ADAMTS13: variants seen among roughly 807,000 people sequenced by gnomAD.
ADAMTS13 encodes A disintegrin and metalloproteinase with thrombospondin motifs 13.
ADAMTS13 carries 110 observed loss-of-function variants against 155.1 expected under a neutral mutation model. That is an observed-to-expected ratio of 0.71 (90% CI 0.61 to 0.83). ADAMTS13 has a LOEUF of 0.83. Ranked by LOEUF, ADAMTS13 falls within the 40% of genes least tolerant of loss-of-function variation. The pLI, the probability that ADAMTS13 is intolerant of heterozygous loss-of-function variation, is 0.00. For synonymous variants in ADAMTS13, 758 were observed against 756.4 expected (o/e 1.00, Z -0.03); for missense variants, 1,707 against 1,891.7 (o/e 0.90, Z 1.81).
chr9:133,454,710 C>T (rs1842638205), intron 24 of ADAMTS13, 91 bp downstream of exon 24: 10 of 1,427,398 alleles, frequency 7.0e-6, no homozygotes, highest in Non-Finnish European at 9.5e-6. Context: ...GAGGCATTGG[C>T]TCATCGTGTC....
At position 133,442,468 on chromosome 9, in the gene ADAMTS13, C is replaced by T; in HGVS notation, c.2038C>T (p.Pro680Ser). ...AGACATCACCTTCACCTACTTCCAG[C>T]CTAAGCCACGGCAGGCCTGGGTGTG... ...RPDITFTYFQPKPRQAWVWAA... is the reference protein window; with the variant it reads ...RPDITFTYFQSKPRQAWVWAA... The change falls in exon 17 of 29, where the codon CCT becomes TCT. Residue 680 changes from proline to serine, a missense_variant. Physicochemically the swap from Pro to Ser is moderately conservative, Grantham distance 74. This residue lies in a region of ADAMTS13 where 961 missense variants were observed against 1,107.9 expected (regional missense o/e 0.87). Transcript: ENST00000355699. 1 of 1,613,862 alleles carries T rather than the reference C, an allele frequency of 6.2e-7. No individual in the cohort carries two copies. The highest frequency in any genetic ancestry group is 8.5e-7 in the Non-Finnish European group (1 of 1,180,050).
chr9:133,432,849 C>T (rs1335921660), intron 9 of ADAMTS13, among the ~76,000 whole-genome samples, 157 bp downstream of exon 9: 1 of 152,166 alleles, frequency 6.6e-6, no homozygotes, highest in African/African-American at 2.4e-5. Context: ...GGTGGTCTGA[C>T]CTCTTTCCTT....
chr9:133,455,699 C>T, intron 25 of ADAMTS13: 2 of 1,507,288 alleles, frequency 1.3e-6, no homozygotes, highest in Non-Finnish European at 1.8e-6. Flanking sequence ...CACTTGGTCC[C>T]TGGGTTGTGT....
intron 7 of ADAMTS13, 109 bp downstream of exon 7, chr9:133,428,880 T>G: frequency 9.1e-7 from 1 of 1,093,604 alleles, no homozygotes; most frequent in Non-Finnish European, 1.1e-6. Flanking sequence ...CCCTCCTTCC[T>G]GTCCCACCCC....
rs781919209 is a variant in ADAMTS13 at position 133,430,061 on chromosome 9, GC to G, written c.951del (p.Lys318ArgfsTer60). ...AACGAGCAGTGCCGCGTGGCCTTCGGCCCCAAGGCTGTCGCCTGCACCTTCG... is the reference window on the plus strand; with the variant it reads ...AACGAGCAGTGCCGCGTGGCCTTCGGCCCAAGGCTGTCGCCTGCACCTTCG... ...SANEQCRVAF[G>X]PKAVACTFAR... On this transcript the variant is annotated frameshift_variant, in exon 8 of 29. Transcript: ENST00000355699. LOFTEE classifies it high-confidence loss of function. The G allele has an allele frequency of 6.3e-7, 1 of 1,595,370 alleles. No individual in the cohort carries two copies. The highest frequency in any genetic ancestry group is 1.1e-5 in the South Asian group (1 of 89,750).
At chr9:133,416,991 G>T (rs1272733294) in intron 1 of ADAMTS13, among the ~76,000 whole-genome samples, 1 of 152,168 alleles carries the variant, frequency 6.6e-6, no homozygotes, top group Non-Finnish European at 1.5e-5. Context: ...TCCCTGTCTT[G>T]CTACACAGAC....
At chr9:133,426,111 C>G in intron 5 of ADAMTS13, 49 bp downstream of exon 5, 1 of 1,613,916 alleles carries the variant, frequency 6.2e-7, no homozygotes, top group Non-Finnish European at 8.5e-7. Flanking sequence ...GGGAAGGCTG[C>G]TCCCTCAGCC....
chr9:133,442,480 C>T lies in ADAMTS13; in HGVS notation c.2050C>T (p.Gln684Ter), dbSNP rs370121816. The T allele has an allele frequency of 1.9e-6, 3 of 1,613,786 alleles. No homozygotes were observed. In the Admixed American group the frequency reaches 5.0e-5, roughly 27 times the overall value. Residue 684 changes from glutamine to a stop codon, truncating the protein, a stop_gained, in exon 17 of 29, where the codon CAG (glutamine) becomes TAG (stop). Coordinates refer to ENST00000355699, the MANE Select transcript of ADAMTS13 (RefSeq NM_139027.6). LOFTEE classifies it high-confidence loss of function. Reference sequence around the variant, plus strand: ...CACCTACTTCCAGCCTAAGCCACGGCAGGCCTGGGTGTGGGCCGCTGTGCG... The same window carrying T: ...CACCTACTTCCAGCCTAAGCCACGGTAGGCCTGGGTGTGGGCCGCTGTGCG... ...TFTYFQPKPR[Q>*]AWVWAAVRGP...
intron 28 of ADAMTS13, 113 bp from the exon 29 acceptor site, chr9:133,458,861 C>T (rs1238254082): frequency 7.1e-6 from 7 of 989,966 alleles, no homozygotes; most frequent in Admixed American, 4.0e-5. Flanking sequence ...CCTAGTAGGG[C>T]TTTGTAAGCA....
intron 12 of ADAMTS13, among the ~76,000 whole-genome samples, chr9:133,437,488 C>T (rs151126001): frequency 4.6e-5 from 7 of 152,290 alleles, no homozygotes; most frequent in South Asian, 4.2e-4. Flanking sequence ...AAACTCCTGA[C>T]GTCAGGTGAT....
chr9:133,448,595 G>C lies in ADAMTS13; in HGVS notation c.2732-4G>C. 6.2e-7 allele frequency: 1 copy of C among 1,609,466 alleles called. No homozygotes were observed. Among genetic ancestry groups the C allele is most frequent in the East Asian group, 2.2e-5 (1 of 44,860 alleles). ...GGCTCTGGGTCTCTGCTTTGTCCAC[G>C]CAGGTCTGATGGAGCTGCGTTTCCT... On this transcript the variant is annotated splice_region_variant and splice_polypyrimidine_tract_variant and intron_variant, in intron 21 of 28. Coordinates refer to ENST00000355699, the MANE Select transcript of ADAMTS13 (RefSeq NM_139027.6).
At position 133,440,895 on chromosome 9, in the gene ADAMTS13, T is replaced by C. The variant is rs587640643; in HGVS notation, c.1968+370T>C. Among the ~76,000 whole-genome samples the C allele has an allele frequency of 6.6e-6, 1 of 152,110 alleles. No homozygotes were observed. The highest frequency in any genetic ancestry group is 2.4e-5 in the African/African-American group (1 of 41,480). ...CCAAGCAGGGAAGGAAGCGTATGGC[T>C]GAGGGAACAGTGTCAGTGTGGGAGG... is the stretch of plus-strand genomic sequence containing the variant. On this transcript the variant is annotated intron_variant, in intron 16 of 28. Transcript: ENST00000355699. This position sits in a 1 kb window ranked among gnomAD's most constrained non-coding sequence, Gnocchi z 4.3.
chr9:133,439,288 C>A, intron 14 of ADAMTS13, 78 bp from the exon 15 acceptor site: 1 of 1,157,666 alleles, frequency 8.6e-7, no homozygotes, highest in South Asian at 1.2e-5. Flanking sequence ...TTTTCCCGAC[C>A]AGCTAAGATC....
chr9:133,435,254 T>G (rs1377806202), intron 11 of ADAMTS13, among the ~76,000 whole-genome samples: 1 of 150,586 alleles, frequency 6.6e-6, no homozygotes, highest in Non-Finnish European at 1.5e-5. Context: ...TGGTGCAATC[T>G]CAGCTCCCTG....
In ADAMTS13 at chr9:133,438,380, C is replaced by G. The variant is rs191816433; in HGVS notation, c.1705+14C>G. 9 of 1,613,334 alleles carry G rather than the reference C, an allele frequency of 5.6e-6. No homozygotes were observed. The highest frequency in any genetic ancestry group is 7.6e-6 in the Non-Finnish European group (9 of 1,179,922). On this transcript the variant is annotated intron_variant, in intron 14 of 28. Transcript: ENST00000355699. ...GCAGAGCGAGAGGTAGGCGGCCTCC[C>G]TCGGGGCAGAGGCTGGGCTTCCCCC...
rs1554793802 is a variant in ADAMTS13, at chr9:133,449,795, G to A, written c.2874G>A (p.Lys958=). The change falls in exon 23 of 29, where the codon AAG becomes AAA. Residue 958 remains lysine (K), a synonymous_variant. Transcript: ENST00000355699. The part of the protein sequence containing the change: ...AVPCPARWQY[K]LAACSVSCGR... The stretch of plus-strand genomic sequence containing the variant: ...CAGTTTGCTCCAGGTGGCAGTACAA[G>A]CTGGCGGCCTGCAGCGTGAGCTGTG... The A allele has an allele frequency of 6.2e-7, 1 of 1,613,978 alleles. No individual in the cohort carries two copies.
In ADAMTS13 at chr9:133,454,434, G is replaced by A; in HGVS notation, c.3064G>A (p.Gly1022Ser). 6.2e-7 allele frequency: 1 copy of A among 1,613,862 alleles called. No individual in the cohort carries two copies. The highest frequency in any genetic ancestry group is 1.1e-5 in the South Asian group (1 of 91,088). Residue 1022 changes from glycine (G) to serine (S), a missense_variant, in exon 24 of 29, where the codon GGC becomes AGC. Gly to Ser is a moderately conservative substitution (Grantham distance 56). Around this residue, in one of 3 missense-constraint regions of ADAMTS13, gnomAD observed 961 missense variants for 1,107.9 expected, o/e 0.87. Coordinates refer to ENST00000355699, the MANE Select transcript of ADAMTS13 (RefSeq NM_139027.6). ...CPPRWKVMSL[G>S]PCSASCGLGT... ...CTGCAGGTGGAAAGTCATGTCCCTT[G>A]GCCCATGTTCGGCCAGCTGTGGCCT...
chr9:133,454,113 T>C (rs973587411), intron 23 of ADAMTS13, among the ~76,000 whole-genome samples: 1 of 152,084 alleles, frequency 6.6e-6, no homozygotes, highest in Non-Finnish European at 1.5e-5. Context: ...CTGTTGCTGT[T>C]ACTTGGGTCC....
rs36222896 is a variant in ADAMTS13, at chr9:133,456,358, G to T, written c.3547+143G>T. ...TCCCATCTCATGACTGGGGAGTGAT[G>T]ATCTGCATTTTACAGATGAGGAAAC... On this transcript the variant is annotated intron_variant, in intron 26 of 28. Transcript: ENST00000355699. This position sits in a 1 kb window ranked among gnomAD's most constrained non-coding sequence, Gnocchi z 4.4. The T allele has an allele frequency of 6.1e-4, 886 of 1,446,818 alleles. 6 individuals are homozygous for T. The African/African-American group carries it at 0.011, about 17-fold the overall frequency. The allele number at this position is 1,446,818 out of a possible 1,614,324, so 89.6% of individuals were successfully genotyped here.
Sources: gnomAD v4.1 joint callset for allele counts (sites outside exome capture counted in the v4.1 genomes callset) on GRCh38, gnomAD v4.1.1 for gene constraint, gnomAD v4.1.1 regional missense constraint, Gnocchi (gnomAD v3.1) non-coding constraint, MANE v1.5 for transcripts, NCBI Gene and HGNC (gene_info 2026-07-23, HGNC 2026-07-21) for gene names.